The following ARHGEF7 variants were observed in gnomAD, a reference collection of about 807,000 sequenced individuals.
ARHGEF7 encodes Rho guanine nucleotide exchange factor 7.
Under a neutral mutation model 109.8 loss-of-function variants are expected in ARHGEF7, and 33 were observed. That is an observed-to-expected ratio of 0.30 (90% CI 0.23 to 0.40). The LOEUF (loss-of-function observed/expected upper bound fraction) is 0.40, where lower values mean the gene tolerates loss of function less well. Among genes scored for constraint, ARHGEF7 ranks in the 10% least tolerant of loss-of-function variants. The pLI is 1.00. For synonymous variants in ARHGEF7, 458 were observed against 424.6 expected, an observed-to-expected ratio of 1.08 and a Z score of -0.97; for missense variants, 938 against 1,098.5, an observed-to-expected ratio of 0.85 and a Z score of 2.07.
At chr13:111,142,778 A>G (rs1566619659) in intron 1 of ARHGEF7, among the ~76,000 whole-genome samples, 2 of 152,180 alleles carry the variant, frequency 1.3e-5, no homozygotes. Context: ...CTGCTTCACC[A>G]TCTCCTCTCC....
At chr13:111,174,053 G>A (rs74472849) in intron 2 of ARHGEF7, among the ~76,000 whole-genome samples, 2 of 152,270 alleles carry the variant, frequency 1.3e-5, no homozygotes, top group Non-Finnish European at 2.9e-5. Flanking sequence ...CCCTCCCCCT[G>A]TACTATTCGG....
chr13:111,128,529 A>G (rs1252366833), intron 1 of ARHGEF7, among the ~76,000 whole-genome samples: 1 of 152,178 alleles, frequency 6.6e-6, no homozygotes, highest in Non-Finnish European at 1.5e-5. Flanking sequence ...ACAAACAAAA[A>G]ACCAGTAAGT....
At chr13:111,292,971 G>C (rs543517590) in intron 19 of ARHGEF7, 2 of 985,530 alleles carry the variant, frequency 2.0e-6, no homozygotes, top group East Asian at 1.1e-4. Context: ...TGTGTGCTGC[G>C]TTGTGGCCGT....
chr13:111,142,422 T>C (rs1425750410), intron 1 of ARHGEF7, among the ~76,000 whole-genome samples: 2 of 1,214 alleles, frequency 1.6e-3, no homozygotes, highest in Non-Finnish European at 4.3e-3. Context: ...AAAAAATGCA[T>C]TTCCCAAGTA....
chr13:111,251,832 AGT>A (rs1268478902), intron 8 of ARHGEF7, among the ~76,000 whole-genome samples: 1 of 152,200 alleles, frequency 6.6e-6, no homozygotes, highest in Non-Finnish European at 1.5e-5. Flanking sequence ...TGAACCAGGA[AGT>A]GTGGGTCACC....
intron 19 of ARHGEF7, chr13:111,293,269 A>G (rs2093344765): frequency 5.1e-6 from 5 of 985,224 alleles, no homozygotes; most frequent in Admixed American, 6.2e-5. Flanking sequence ...CCTGACATCC[A>G]TACTTATGTT....
chr13:111,214,268 C>G (rs561178251), intron 4 of ARHGEF7, among the ~76,000 whole-genome samples: 1 of 152,252 alleles, frequency 6.6e-6, no homozygotes, highest in African/African-American at 2.4e-5. Context: ...CATACCTCAT[C>G]TCCCCTCTGC....
chr13:111,264,176 C>G (rs1056226305), intron 8 of ARHGEF7, among the ~76,000 whole-genome samples: 7 of 152,120 alleles, frequency 4.6e-5, no homozygotes, highest in African/African-American at 1.7e-4. Flanking sequence ...CTGCATGACA[C>G]ATTCAGGATT....
Position 111,195,697 on chromosome 13 carries a change from TGATTGCCTCG to T in ARHGEF7, c.253-9590_253-9581del, listed in dbSNP as rs1307157472. Among the ~76,000 whole-genome samples, 4 of 152,150 alleles carry T rather than the reference TGATTGCCTCG, an allele frequency of 2.6e-5. No individual in the cohort carries two copies. In the East Asian group the frequency reaches 5.8e-4, roughly 22 times the overall value. On this transcript the variant is annotated intron_variant, in intron 2 of 21. Transcript: ENST00000646102. ...CACTCTGGGGCAGTGCGCCTTCCAG[TGATTGCCTCG>T]GCATAGCGGACATGGATGAGGGGGT...
chr13:111,274,034 T>G lies in ARHGEF7; in HGVS notation c.1212+82T>G. On this transcript the variant is annotated intron_variant, in intron 10 of 21. Transcript: ENST00000646102. ...AGACTTACTGTGAAAGAAAGTATTA[T>G]TCATGATTTATTTTAGAAGCCAGAA... is the stretch of plus-strand genomic sequence containing the variant. 4 of 1,496,148 alleles carry G rather than the reference T, an allele frequency of 2.7e-6. No individual in the cohort carries two copies. In the South Asian group the frequency reaches 5.2e-5, roughly 19 times the overall value. 92.7% of individuals were successfully genotyped at this position (1,496,148 alleles called of 1,614,324 possible). A position where few individuals can be genotyped will look rare whatever the true frequency, so the allele number is the denominator to read the frequency against.
chr13:111,169,775 C>G (rs1022614211), intron 2 of ARHGEF7, among the ~76,000 whole-genome samples: 4 of 152,186 alleles, frequency 2.6e-5, no homozygotes, highest in Admixed American at 6.5e-5. Context: ...ATGATCACCT[C>G]TGTTTGCTAG....
intron 6 of ARHGEF7, among the ~76,000 whole-genome samples, chr13:111,242,346 C>G (rs1452690864): frequency 6.6e-6 from 1 of 152,138 alleles, no homozygotes; most frequent in Non-Finnish European, 1.5e-5. Context: ...GTTGTCTTTA[C>G]TAAGGCTGAA....
Position 111,255,809 on chromosome 13 carries a change from T to A in ARHGEF7, c.950+11515T>A, listed in dbSNP as rs138814237. 4.4e-4 allele frequency among the ~76,000 whole-genome samples: 67 copies of A among 152,324 alleles called. No homozygotes were observed. Among genetic ancestry groups the A allele is most frequent in the African/African-American group, 1.4e-3 (57 of 41,574 alleles). On this transcript the variant is annotated intron_variant, in intron 8 of 21. Coordinates refer to ENST00000646102, the MANE Select transcript of ARHGEF7 (RefSeq NM_001354046.2). This position sits in a 1 kb window ranked among gnomAD's most constrained non-coding sequence, Gnocchi z 4.1. ...GTCTTTAACTGGGGGATATTTTTCC[T>A]GTGGAAGGTGGGGTCATGGTGCTTT...
intron 5 of ARHGEF7, among the ~76,000 whole-genome samples, chr13:111,226,587 C>T (rs1457373531): frequency 6.6e-6 from 1 of 152,160 alleles, no homozygotes; most frequent in East Asian, 1.9e-4. Context: ...CTTTAGAGAC[C>T]TCCCACTCAG....
chr13:111,260,921 C>T (rs1250532210), intron 8 of ARHGEF7, among the ~76,000 whole-genome samples: 1 of 152,128 alleles, frequency 6.6e-6, no homozygotes, highest in Non-Finnish European at 1.5e-5. Context: ...TCAATGTTGT[C>T]ATTTAAAAAT....
intron 2 of ARHGEF7, among the ~76,000 whole-genome samples, chr13:111,159,525 C>T (rs1428677662): frequency 1.3e-5 from 2 of 152,228 alleles, no homozygotes; most frequent in African/African-American, 2.4e-5. Context: ...CTTATCTTTT[C>T]TCCACATCCT....
At chr13:111,253,730 G>A (rs1046217197) in intron 8 of ARHGEF7, among the ~76,000 whole-genome samples, 8 of 152,136 alleles carry the variant, frequency 5.3e-5, no homozygotes, top group Admixed American at 1.3e-4. Flanking sequence ...GGGCAGCTGC[G>A]ACCATTTCAC....
At chr13:111,124,926 A>C (rs1236258335) in intron 1 of ARHGEF7, among the ~76,000 whole-genome samples, 1 of 151,990 alleles carries the variant, frequency 6.6e-6, no homozygotes, top group Non-Finnish European at 1.5e-5. Flanking sequence ...TGCCCGGCTA[A>C]TTTTTGTATT....
chr13:111,170,108 T>C (rs1594229928), intron 2 of ARHGEF7, among the ~76,000 whole-genome samples: 1 of 152,308 alleles, frequency 6.6e-6, no homozygotes, highest in East Asian at 1.9e-4. Context: ...GCCACTCTTC[T>C]TTTTTTGTAG....
Sources: allele counts gnomAD v4.1 joint callset (sites outside exome capture counted in the v4.1 genomes callset), GRCh38; gene constraint gnomAD v4.1.1; non-coding constraint Gnocchi (gnomAD v3.1); transcripts MANE v1.5; gene names NCBI Gene and HGNC (gene_info 2026-07-23, HGNC 2026-07-21).